The following PHACTR3 variants were observed in gnomAD, a reference collection of about 807,000 sequenced individuals.
The protein encoded by PHACTR3 is protein phosphatase 1, regulatory subunit 123.
A neutral mutation model predicts 66.8 loss-of-function variants in PHACTR3; 16 were observed. The observed-to-expected ratio is 0.24, with a 90% CI of 0.16 to 0.36. The LOEUF (loss-of-function observed/expected upper bound fraction) is 0.36. PHACTR3 is among the 10% of genes least tolerant of loss of function. PHACTR3 has a pLI of 1.00. For missense variants in PHACTR3, 647 were observed against 719.9 expected (o/e 0.90, Z 1.16); for synonymous variants, 323 against 292.1 (o/e 1.11, Z -1.08).
chr20:59,600,393 G>A (rs748624879), upstream of PHACTR3, among the ~76,000 whole-genome samples: 1 of 152,230 alleles, frequency 6.6e-6, no homozygotes, highest in African/African-American at 2.4e-5. Context: ...CAAAGTGACT[G>A]TTTGGGCACA....
intron 8 of PHACTR3, among the ~76,000 whole-genome samples, chr20:59,823,427 G>A (rs572783801): frequency 6.5e-4 from 99 of 152,294 alleles, no homozygotes; most frequent in Middle Eastern, 6.8e-3. Flanking sequence ...CTCAGCCCCA[G>A]GTGACTACTC....
chr20:59,779,893 C>T (rs1026583177), intron 7 of PHACTR3, among the ~76,000 whole-genome samples: 4 of 152,188 alleles, frequency 2.6e-5, no homozygotes, highest in East Asian at 1.9e-4. Flanking sequence ...TCATCAAAAG[C>T]GAATTTTATG....
chr20:59,635,101 C>CTTTCTTTCTTTCTTTCTTTCTT (rs1458059575), intron 1 of PHACTR3, among the ~76,000 whole-genome samples: 1 of 92,904 alleles, frequency 1.1e-5, no homozygotes, highest in South Asian at 4.5e-4. Flanking sequence ...TTCTTTCTCT[C>CTTTCTTTCTTTCTTTCTTTCTT]TCTTTCTTTC....
At chr20:59,716,206 TTGTGTGTGTGTGTGTGTGTGTGTG>T (rs201782505) in intron 1 of PHACTR3, among the ~76,000 whole-genome samples, 172 of 128,670 alleles carry the variant, frequency 1.3e-3, no homozygotes, top group African/African-American at 4.1e-3. Flanking sequence ...CCTTCACCCT[TTGTGTGTGTGTGTGTGTGTGTGTG>T]TGTGTGTGTG....
At chr20:59,751,712 A>G (rs2039592464) in intron 3 of PHACTR3, among the ~76,000 whole-genome samples, 1 of 152,086 alleles carries the variant, frequency 6.6e-6, no homozygotes, top group South Asian at 2.1e-4. Flanking sequence ...TCTAGTCGCC[A>G]GCTTGGACCT....
At chr20:59,744,815 A>T (rs967369242) in intron 2 of PHACTR3, among the ~76,000 whole-genome samples, 2 of 152,232 alleles carry the variant, frequency 1.3e-5, no homozygotes, top group Admixed American at 1.3e-4. Context: ...CTGCCCACCC[A>T]GAGCTTTCCG....
chr20:59,651,035 TTG>T (rs10691968), intron 1 of PHACTR3, among the ~76,000 whole-genome samples: 11 of 151,704 alleles, frequency 7.3e-5, no homozygotes, highest in Admixed American at 1.3e-4. Flanking sequence ...TGCATGAATG[TTG>T]TGTGTGTGTG....
intron 1 of PHACTR3, among the ~76,000 whole-genome samples, chr20:59,704,562 C>CTTTTTTTTTTTTTT (rs11331156): frequency 1.1e-5 from 1 of 89,474 alleles, no homozygotes; most frequent in Non-Finnish European, 2.2e-5. Flanking sequence ...TGAGAATAGT[C>CTTTTTTTTTTTTTT]TTTTTTTTTT....
upstream of PHACTR3, among the ~76,000 whole-genome samples, chr20:59,604,364 C>T (rs893961873): frequency 6.6e-6 from 1 of 151,644 alleles, no homozygotes; most frequent in Non-Finnish European, 1.5e-5. Flanking sequence ...GTGGGCGGCT[C>T]CTAACCCGGG....
intron 1 of PHACTR3, among the ~76,000 whole-genome samples, chr20:59,681,288 A>G (rs549890878): frequency 3.3e-5 from 5 of 152,332 alleles, no homozygotes; most frequent in African/African-American, 1.2e-4. Flanking sequence ...ACATGTGCAT[A>G]CATACTCATA....
At chr20:59,776,676 G>C (rs771639590) in intron 7 of PHACTR3, among the ~76,000 whole-genome samples, 1 of 151,874 alleles carries the variant, frequency 6.6e-6, no homozygotes, top group Non-Finnish European at 1.5e-5. Context: ...CACAGAAGAG[G>C]ATGGGAATCT....
intron 7 of PHACTR3, among the ~76,000 whole-genome samples, chr20:59,796,049 CTGT>C (rs990350459): frequency 2.0e-5 from 3 of 152,048 alleles, no homozygotes; most frequent in Non-Finnish European, 4.4e-5. Flanking sequence ...CTCTTTTCCT[CTGT>C]TGTTGTTTAC....
intron 1 of PHACTR3, among the ~76,000 whole-genome samples, chr20:59,656,423 T>A (rs980856619): frequency 3.3e-5 from 5 of 151,932 alleles, no homozygotes; most frequent in Non-Finnish European, 7.4e-5. Context: ...ATATCTCTAG[T>A]TTTAGAGTAG....
At chr20:59,661,558 T>C (rs944770806) in intron 1 of PHACTR3, among the ~76,000 whole-genome samples, 9 of 152,178 alleles carry the variant, frequency 5.9e-5, no homozygotes, top group African/African-American at 2.2e-4. Context: ...CAGGACCCCC[T>C]TTTTAGGACT....
chr20:59,682,137 C>T (rs1019323809), intron 1 of PHACTR3, among the ~76,000 whole-genome samples: 3 of 151,960 alleles, frequency 2.0e-5, no homozygotes, highest in Non-Finnish European at 4.4e-5. Context: ...GCCAGGAGTT[C>T]GAGGCCAGCC....
chr20:59,684,281 AT>A (rs1302802988), intron 1 of PHACTR3, among the ~76,000 whole-genome samples: 1 of 152,054 alleles, frequency 6.6e-6, no homozygotes, highest in Non-Finnish European at 1.5e-5. Flanking sequence ...CCTTTTTGAC[AT>A]TATAGGCTTT....
At chr20:59,839,412 A>C (rs1478254254) in intron 9 of PHACTR3, among the ~76,000 whole-genome samples, 2 of 152,250 alleles carry the variant, frequency 1.3e-5, no homozygotes, top group African/African-American at 4.8e-5. Flanking sequence ...TCTTTTACAT[A>C]AAGGCAGATA....
chr20:59,821,501 C>T (rs774239322), intron 8 of PHACTR3, among the ~76,000 whole-genome samples: 17 of 152,214 alleles, frequency 1.1e-4, no homozygotes, highest in Non-Finnish European at 2.4e-4. Flanking sequence ...ACACATCTAC[C>T]TACTGCTCCT....
chr20:59,768,680 GC>G (rs987014474), intron 5 of PHACTR3, among the ~76,000 whole-genome samples: 1 of 152,256 alleles, frequency 6.6e-6, no homozygotes, highest in Non-Finnish European at 1.5e-5. Flanking sequence ...GCTCGGGAGG[GC>G]TGGGTCCCAG....
Sources: gnomAD v4.1 joint callset for allele counts (sites outside exome capture counted in the v4.1 genomes callset) on GRCh38, gnomAD v4.1.1 for gene constraint, MANE v1.5 for transcripts, NCBI Gene and HGNC (gene_info 2026-07-23, HGNC 2026-07-21) for gene names.